Variants in ZNF177 observed in about 807,000 individuals in gnomAD.
ZNF177 encodes zinc finger protein 177.
Under a neutral mutation model 19.4 loss-of-function variants are expected in ZNF177, and 17 were observed. The ratio of observed to expected loss-of-function variants is 0.87; its 90% CI spans 0.60 to 1.31. ZNF177 has a LOEUF of 1.31. ZNF177 is among the 40% of genes most tolerant of loss of function. The pLI is 0.00. For missense variants in ZNF177, 633 were observed against 561.8 expected, an observed-to-expected ratio of 1.13 and a Z score of -1.28; for synonymous variants, 220 against 188.7, an observed-to-expected ratio of 1.17 and a Z score of -1.36.
At chr19:9,378,468 G>A (rs898931928) in intron 2 of ZNF177, 124 bp downstream of exon 4, 1 of 1,441,822 alleles carries the variant, frequency 6.9e-7, no homozygotes, top group African/African-American at 1.4e-5. Context: ...CAGCTCCCAG[G>A]CTGCTTCATG....
chr19:9,364,862 G>A (rs2067956537), exon 2 of ZNF177: 1 of 152,208 alleles, frequency 6.6e-6, no homozygotes, highest in Admixed American at 6.5e-5. Context: ...TTATTTTCAG[G>A]GCTGGGTATA....
intron 2 of ZNF177, 35 bp downstream of exon 4, chr19:9,378,379 C>T (rs1406910186): frequency 1.9e-6 from 3 of 1,612,830 alleles, no homozygotes; most frequent in Non-Finnish European, 2.5e-6. Context: ...CAAAAGCACA[C>T]TGCCATTCCT....
chr19:9,363,863 C>T (rs1002181348), intron 1 of ZNF177, among the ~76,000 whole-genome samples: 2 of 152,212 alleles, frequency 1.3e-5, no homozygotes, highest in Admixed American at 6.5e-5. Flanking sequence ...CTGCCTACGA[C>T]CTCCGAAACA....
intron 2 of ZNF177, among the ~76,000 whole-genome samples, chr19:9,370,530 C>T (rs1324257959): frequency 6.6e-6 from 1 of 151,980 alleles, no homozygotes. Context: ...CCTCCCACCT[C>T]AGCCTCCCTA....
chr19:9,377,829 A>G (rs538405936), intron 1 of ZNF177, among the ~76,000 whole-genome samples: 1 of 151,970 alleles, frequency 6.6e-6, no homozygotes, highest in East Asian at 1.9e-4. Flanking sequence ...ATATTAACTC[A>G]GCCCAACCCT....
rs773114889 is a variant in ZNF177, at chr19:9,379,031, C to CA, written c.110dup (p.Asn37LysfsTer12). On this transcript the variant is annotated frameshift_variant, in exon 3 of 6. Coordinates refer to ENST00000589262, the Ensembl canonical transcript of ZNF177. LOFTEE classifies it high-confidence loss of function. Reference sequence around the variant, plus strand: ...GGAGTGGGCATTGCTGGACCCTGCTCAAAAAAATCTATACAAAGATGTGAT... The same window carrying CA: ...GGAGTGGGCATTGCTGGACCCTGCTCAAAAAAAATCTATACAAAGATGTGAT... 9 of 1,610,510 alleles carry CA rather than the reference C, an allele frequency of 5.6e-6. No individual in the cohort carries two copies. In the East Asian group the frequency reaches 1.8e-4, roughly 32 times the overall value.
At chr19:9,379,016 T>C in exon 3 of ZNF177, 4 of 1,611,624 alleles carry the variant, frequency 2.5e-6, no homozygotes, top group African/African-American at 2.7e-5. Flanking sequence ...GGAGTGGGCA[T>C]TGCTGGACCC....
chr19:9,381,150 C>T lies in ZNF177; in HGVS notation c.819C>T (p.Asn273=), dbSNP rs2068193520. 7.4e-6 allele frequency: 12 copies of T among 1,614,050 alleles called. No homozygotes were observed. The South Asian group carries it at 8.8e-5, about 12-fold the overall frequency. The change falls in exon 6 of 6, where the codon AAC becomes AAT. Residue 273 remains asparagine (N), a synonymous_variant. Coordinates refer to ENST00000589262, the Ensembl canonical transcript of ZNF177. Reference sequence around the variant, plus strand: ...TCACTGACCCTTTGTCCCTTCAGAACTGTGTCAGAACTCACTCTGGAGAGA... The same window carrying T: ...TCACTGACCCTTTGTCCCTTCAGAATTGTGTCAGAACTCACTCTGGAGAGA...
At position 9,380,149 on chromosome 19, in the gene ZNF177, A is replaced by AC; in HGVS notation, c.336+11dup. 6.3e-7 allele frequency: 1 copy of AC among 1,599,214 alleles called. No homozygotes were observed. The highest frequency in any genetic ancestry group is 1.3e-5 in the African/African-American group (1 of 74,090). ...CAATGGCATAAACACGGTAAGACTT[A>AC]CTAGGAAGTATTCCTGGTCTTTGTA... On this transcript the variant is annotated intron_variant, in intron 5 of 5. Transcript: ENST00000589262.
intron 5 of ZNF177, 76 bp downstream of exon 7, chr19:9,380,215 C>T (rs1853219275): frequency 9.5e-6 from 14 of 1,472,310 alleles, no homozygotes. Context: ...ACATCAGCAC[C>T]CAAAGCAGGG....
At chr19:9,376,756 CTTT>C (rs1428507080) in intron 1 of ZNF177, among the ~76,000 whole-genome samples, 1 of 152,044 alleles carries the variant, frequency 6.6e-6, no homozygotes, top group Non-Finnish European at 1.5e-5. Flanking sequence ...ATTATTATAA[CTTT>C]TTAATATTTT....
At chr19:9,378,469 C>A in intron 2 of ZNF177, 125 bp downstream of exon 4, 1 of 1,440,872 alleles carries the variant, frequency 6.9e-7, no homozygotes, top group Non-Finnish European at 9.4e-7. Context: ...AGCTCCCAGG[C>A]TGCTTCATGT....
At chr19:9,382,583 A>C, downstream of ZNF177, 1 of 394,146 alleles carries the variant, frequency 2.5e-6, no homozygotes, top group Admixed American at 4.4e-5. Flanking sequence ...CAACTGTTAC[A>C]TCTAATAAAT....
At chr19:9,367,453 T>A (rs1468149957) in intron 2 of ZNF177, among the ~76,000 whole-genome samples, 1 of 152,252 alleles carries the variant, frequency 6.6e-6, no homozygotes, top group African/African-American at 2.4e-5. Context: ...AATTTTTCTT[T>A]TGCTCTATTA....
exon 6 of ZNF177, chr19:9,381,404 A>G (rs770415221): frequency 3.7e-6 from 6 of 1,612,242 alleles, no homozygotes; most frequent in Non-Finnish European, 5.1e-6. Flanking sequence ...CTTCAGAAAC[A>G]TGTGAGAACC....
Position 9,378,957 on chromosome 19 carries a change from T to A in ZNF177, c.34-5T>A. The A allele has an allele frequency of 6.2e-7, 1 of 1,604,336 alleles. No homozygotes were observed. The highest frequency in any genetic ancestry group is 8.5e-7 in the Non-Finnish European group (1 of 1,173,684). ...CTGAGCCAGAATATGTATGTGATGT[T>A]TTAGAACTCAGTAACCTTCCAGGAA... On this transcript the variant is annotated splice_region_variant and splice_polypyrimidine_tract_variant and intron_variant, in intron 2 of 5. Coordinates refer to ENST00000589262, the Ensembl canonical transcript of ZNF177.
In ZNF177 at chr19:9,381,102, A is replaced by G. The variant is rs376960932; in HGVS notation, c.771A>G (p.Glu257=). 6 of 1,613,026 alleles carry G rather than the reference A, an allele frequency of 3.7e-6. 1 individual carries two copies. In the African/African-American group the frequency reaches 5.3e-5, roughly 14 times the overall value. The change falls in exon 6 of 6, where the codon GAA becomes GAG. Residue 257 remains glutamate, a synonymous_variant. Coordinates refer to ENST00000589262, the Ensembl canonical transcript of ZNF177. The stretch of plus-strand genomic sequence containing the variant: ...CTGGTAGTGTGGAGGAGGGTTTGGA[A>G]TGTAATGAACATGAGAAAACTTTCA...
intron 2 of ZNF177, chr19:9,378,590 A>G (rs1003422121): frequency 6.5e-6 from 4 of 618,002 alleles, no homozygotes; most frequent in Middle Eastern, 3.3e-4. Context: ...TGCTGTAAAG[A>G]AAGACTTTTA....
chr19:9,373,141 C>A (rs2068068686), upstream of ZNF177, among the ~76,000 whole-genome samples: 1 of 152,178 alleles, frequency 6.6e-6, no homozygotes, highest in African/African-American at 2.4e-5. Context: ...CATTGACCAA[C>A]ATCTCCCCAT....
Sources: allele counts gnomAD v4.1 joint callset (sites outside exome capture counted in the v4.1 genomes callset), GRCh38; gene constraint gnomAD v4.1.1; transcripts MANE v1.5; gene names NCBI Gene and HGNC (gene_info 2026-07-23, HGNC 2026-07-21).